NAV1: variants seen among roughly 807,000 people sequenced by gnomAD.
NAV1 encodes the protein neuron navigator 1, also known as pore membrane and/or filament interacting like protein 3.
Under a neutral mutation model 175.2 loss-of-function variants are expected in NAV1, and 18 were observed. That is an observed-to-expected ratio of 0.10 (90% CI 0.07 to 0.15). The LOEUF (loss-of-function observed/expected upper bound fraction) is 0.15. Among genes scored for constraint, NAV1 ranks in the 10% least tolerant of loss-of-function variants. The probability of loss-of-function intolerance (pLI) is 1.00; values close to 1 mark genes in which losing one functional copy is unlikely to be tolerated. For missense variants in NAV1, 1,731 were observed against 2,436.6 expected (o/e 0.71, Z 6.10); for synonymous variants, 897 against 978.7 (o/e 0.92, Z 1.56).
intron 1 of NAV1, among the ~76,000 whole-genome samples, chr1:201,547,728 A>G (rs1481208452): frequency 6.6e-5 from 10 of 152,232 alleles, no homozygotes; most frequent in African/African-American, 2.4e-4. Flanking sequence ...ATAAGAGATT[A>G]TATTTGTAAA....
In NAV1 at chr1:201,670,380, CAAAA is replaced by C. The variant is rs58216500; in HGVS notation, c.757+20980_757+20983del. On this transcript the variant is annotated intron_variant, in intron 1 of 29. Coordinates refer to ENST00000367296, the Ensembl canonical transcript of NAV1. ...TGGGCGACAGAGCGAGACTCCATCT[CAAAA>C]AAAAAAAAAAAAAAAAAAAAAAAAG... Among the ~76,000 whole-genome samples, 18 of 12,184 alleles carry C rather than the reference CAAAA, an allele frequency of 1.5e-3. No homozygotes were observed. In the South Asian group the frequency reaches 0.017, roughly 11 times the overall value. The allele number at this position is 12,184 out of a possible 152,430, so 8.0% of individuals were successfully genotyped here. A position where few individuals can be genotyped will look rare whatever the true frequency, so the allele number is the denominator to read the frequency against.
chr1:201,546,192 CCA>C (rs771351629), intron 1 of NAV1, among the ~76,000 whole-genome samples: 1 of 152,258 alleles, frequency 6.6e-6, no homozygotes, highest in Admixed American at 6.5e-5. Flanking sequence ...CTCTCCTTCC[CCA>C]GAGCTTCAGG....
intron 1 of NAV1, among the ~76,000 whole-genome samples, chr1:201,677,456 T>C (rs1305002323): frequency 1.3e-5 from 2 of 152,024 alleles, no homozygotes; most frequent in Non-Finnish European, 2.9e-5. Flanking sequence ...CTCTGCCCAA[T>C]GTCCCTTCCT....
chr1:201,651,731 A>C (rs975677797), intron 1 of NAV1, among the ~76,000 whole-genome samples: 1 of 152,030 alleles, frequency 6.6e-6, no homozygotes, highest in African/African-American at 2.4e-5. Context: ...GGCTATGTCT[A>C]CTGGGTATGG....
chr1:201,648,606 C>T (rs1291360442), exon 1 of NAV1: 2 of 1,285,924 alleles, frequency 1.6e-6, no homozygotes, highest in Non-Finnish European at 2.0e-6. Context: ...GCGCTCCCGC[C>T]CCCTGCCCCC....
At chr1:201,742,339 A>T (rs1673476562) in intron 3 of NAV1, among the ~76,000 whole-genome samples, 1 of 152,140 alleles carries the variant, frequency 6.6e-6, no homozygotes, top group Admixed American at 6.5e-5. Context: ...GAATGACTTA[A>T]TTGGCCCTCA....
chr1:201,557,626 C>A (rs146760318), intron 1 of NAV1, among the ~76,000 whole-genome samples: 1 of 152,352 alleles, frequency 6.6e-6, no homozygotes, highest in East Asian at 1.9e-4. Flanking sequence ...AGTTCCTGAT[C>A]TTCCCAGTTT....
At chr1:201,627,757 T>C (rs896306307) in intron 1 of NAV1, among the ~76,000 whole-genome samples, 1 of 152,018 alleles carries the variant, frequency 6.6e-6, no homozygotes, top group Non-Finnish European at 1.5e-5. Context: ...TACTTCAAAA[T>C]CCCAGGTCCA....
intron 3 of NAV1, among the ~76,000 whole-genome samples, chr1:201,726,580 G>A (rs976245512): frequency 1.3e-5 from 2 of 149,728 alleles, no homozygotes; most frequent in Admixed American, 6.8e-5. Flanking sequence ...CCCAGGAGGT[G>A]GAAGTTGTAG....
At chr1:201,756,809 C>CTTCTTTCTTTCTTT in intron 3 of NAV1, among the ~76,000 whole-genome samples, 1 of 26,940 alleles carries the variant, frequency 3.7e-5, no homozygotes, top group Non-Finnish European at 1.2e-4. Flanking sequence ...TCTTTCTTTC[C>CTTCTTTCTTTCTTT]TTCTTTCTTT....
intron 1 of NAV1, among the ~76,000 whole-genome samples, chr1:201,552,755 G>A (rs1018079979): frequency 3.9e-5 from 6 of 152,124 alleles, no homozygotes; most frequent in South Asian, 4.1e-4. Flanking sequence ...TTGATCCACC[G>A]AACGTACACC....
intron 3 of NAV1, among the ~76,000 whole-genome samples, chr1:201,747,183 C>T (rs778642045): frequency 3.9e-5 from 6 of 152,238 alleles, no homozygotes; most frequent in East Asian, 1.9e-4. Context: ...TCATCTTCAC[C>T]GTCCTCCTGG....
chr1:201,616,632 C>T (rs1366609990), intron 2 of NAV1, among the ~76,000 whole-genome samples: 3 of 152,320 alleles, frequency 2.0e-5, no homozygotes, highest in Non-Finnish European at 2.9e-5. Context: ...GGATTACAGG[C>T]ATGCGCCACC....
exon 1 of NAV1, chr1:201,648,331 G>A: frequency 8.5e-6 from 10 of 1,176,590 alleles, no homozygotes; most frequent in Non-Finnish European, 9.4e-6. Flanking sequence ...AGGAGCCGCG[G>A]GGCTTCCATC....
chr1:201,745,297 G>A (rs1007625098), intron 3 of NAV1, among the ~76,000 whole-genome samples: 1 of 152,174 alleles, frequency 6.6e-6, no homozygotes, highest in African/African-American at 2.4e-5. Context: ...TCTGGCCACT[G>A]GTCCTTAAGT....
intron 28 of NAV1, 159 bp from the exon 33 acceptor site, chr1:201,816,929 C>T: frequency 1.6e-6 from 1 of 633,316 alleles, no homozygotes; most frequent in Non-Finnish European, 2.7e-6. Context: ...CTGTCTTGGC[C>T]TCCCTAAATG....
At chr1:201,792,905 T>C (rs1677204828) in intron 13 of NAV1, 1 of 152,078 alleles carries the variant, frequency 6.6e-6, no homozygotes, top group Non-Finnish European at 1.5e-5. Flanking sequence ...GCCATGAGAG[T>C]GCCGTCGATT....
rs1427442582 is a variant in NAV1, at chr1:201,787,350, A to G, written c.2995+773A>G. 1.3e-5 allele frequency among the ~76,000 whole-genome samples: 2 copies of G among 152,280 alleles called. No individual in the cohort carries two copies. The highest frequency in any genetic ancestry group is 3.9e-4 in the East Asian group (2 of 5,176). ...TCCATCTCTTCTTTCAGCTGAGTAA[A>G]AGAAATCAGTTAATAAAAGACAAGG... On this transcript the variant is annotated intron_variant, in intron 9 of 29. Coordinates refer to ENST00000367296, the Ensembl canonical transcript of NAV1. This position sits in a 1 kb window ranked among gnomAD's most constrained non-coding sequence, Gnocchi z 4.3.
At chr1:201,593,035 A>T (rs568722648) in intron 2 of NAV1, among the ~76,000 whole-genome samples, 1 of 152,230 alleles carries the variant, frequency 6.6e-6, no homozygotes, top group South Asian at 2.1e-4. Context: ...ATCACCAAAG[A>T]TGTTGCCAAG....
Sources: allele counts gnomAD v4.1 joint callset (sites outside exome capture counted in the v4.1 genomes callset), GRCh38; gene constraint gnomAD v4.1.1; non-coding constraint Gnocchi (gnomAD v3.1); transcripts MANE v1.5; gene names NCBI Gene and HGNC (gene_info 2026-07-23, HGNC 2026-07-21).